The following SPPL2A variants were observed in gnomAD, a reference collection of about 807,000 sequenced individuals.
The protein encoded by SPPL2A is signal peptide peptidase-like 2A.
In SPPL2A, 51 loss-of-function variants were observed where a neutral mutation model predicts 63.8. That is an observed-to-expected ratio of 0.80 (90% CI 0.64 to 1.01). The LOEUF is 1.01. SPPL2A is among the 50% of genes least tolerant of loss of function. SPPL2A has a pLI of 0.00. For synonymous variants in SPPL2A, 188 were observed against 205.8 expected, an observed-to-expected ratio of 0.91 and a Z score of 0.74; for missense variants, 553 against 622.7, an observed-to-expected ratio of 0.89 and a Z score of 1.19.
chr15:50,710,670 C>A (rs1023016250), intron 14 of SPPL2A, among the ~76,000 whole-genome samples: 3 of 152,150 alleles, frequency 2.0e-5, no homozygotes, highest in Non-Finnish European at 4.4e-5. Context: ...AACCAATCTC[C>A]AGAAATAGTC....
At chr15:50,723,772 G>A (rs1019002342) in intron 12 of SPPL2A, among the ~76,000 whole-genome samples, 5 of 152,182 alleles carry the variant, frequency 3.3e-5, no homozygotes, top group Non-Finnish European at 7.3e-5. Flanking sequence ...CGCCAAGCTC[G>A]GCTCATGCTT....
intron 1 of SPPL2A, among the ~76,000 whole-genome samples, chr15:50,759,636 G>A (rs1234103741): frequency 1.3e-5 from 2 of 152,064 alleles, no homozygotes; most frequent in South Asian, 2.1e-4. Context: ...CCAGCTACTC[G>A]GGAGGCTGAG....
intron 10 of SPPL2A, among the ~76,000 whole-genome samples, chr15:50,730,362 C>G (rs1001354504): frequency 6.6e-6 from 1 of 152,106 alleles, no homozygotes; most frequent in African/African-American, 2.4e-5. Flanking sequence ...GTATGTGGCC[C>G]TGAGTCTAGT....
At position 50,751,030 on chromosome 15, in the gene SPPL2A, T is replaced by C. The variant is rs182171074; in HGVS notation, c.67-1284A>G. 3.2e-4 allele frequency among the ~76,000 whole-genome samples: 48 copies of C among 152,346 alleles called. 1 individual carries two copies. The East Asian group carries it at 8.3e-3, about 26-fold the overall frequency. The stretch of plus-strand genomic sequence containing the variant: ...ATAGAAATGTTCTAATCCCATGCTC[T>C]GTTACCTAAAATGTCCCTTGAACAT... On this transcript the variant is annotated intron_variant, in intron 1 of 14. Coordinates refer to ENST00000261854, the MANE Select transcript of SPPL2A (RefSeq NM_032802.4).
rs35069823 is a variant in SPPL2A at position 50,729,109 on chromosome 15, C to T, written c.1089+1856G>A. On this transcript the variant is annotated intron_variant, in intron 10 of 14. Coordinates refer to ENST00000261854, the MANE Select transcript of SPPL2A (RefSeq NM_032802.4). ...GATTACAGGCGTGAGCCACCGCACCCGGCCTCTTAATTATTGTATTTTTAG... is the reference window on the plus strand; with the variant it reads ...GATTACAGGCGTGAGCCACCGCACCTGGCCTCTTAATTATTGTATTTTTAG... 7.2e-3 allele frequency among the ~76,000 whole-genome samples: 1,093 copies of T among 150,768 alleles called. 10 individuals carry two copies. The highest frequency in any genetic ancestry group is 0.011 in the Non-Finnish European group (744 of 67,714).
intron 3 of SPPL2A, among the ~76,000 whole-genome samples, chr15:50,748,476 T>G (rs1364312701): frequency 2.0e-5 from 3 of 151,940 alleles, no homozygotes; most frequent in Admixed American, 2.0e-4. Flanking sequence ...ATATATTTGT[T>G]CCTAACAAAG....
At chr15:50,731,402 C>T (rs576279823) in intron 9 of SPPL2A, among the ~76,000 whole-genome samples, 7 of 150,746 alleles carry the variant, frequency 4.6e-5, no homozygotes, top group South Asian at 4.2e-4. Flanking sequence ...AAAAATTAGC[C>T]GGGCATGGTG....
intron 13 of SPPL2A, among the ~76,000 whole-genome samples, chr15:50,721,457 G>A (rs1307873432): frequency 2.0e-5 from 3 of 150,272 alleles, no homozygotes; most frequent in African/African-American, 7.3e-5. Flanking sequence ...TTGAGACAGG[G>A]ACTCAATCTT....
intron 1 of SPPL2A, among the ~76,000 whole-genome samples, chr15:50,758,401 A>C (rs545244372): frequency 6.6e-6 from 1 of 150,512 alleles, no homozygotes; most frequent in Non-Finnish European, 1.5e-5. Context: ...GGCGTGATCT[A>C]GGCTCACTGC....
Position 50,708,116 on chromosome 15 carries a change from G to A in SPPL2A, c.1489-242C>T, listed in dbSNP as rs117010361. 2.0e-3 allele frequency among the ~76,000 whole-genome samples: 299 copies of A among 152,232 alleles called. 1 individual carries two copies. The highest frequency in any genetic ancestry group is 3.5e-3 in the Non-Finnish European group (235 of 68,022). On this transcript the variant is annotated intron_variant, in intron 14 of 14. Coordinates refer to ENST00000261854, the MANE Select transcript of SPPL2A (RefSeq NM_032802.4). ...CCAATTTGTGTTCTCTGGATCTTCCGTTATCTCCATTTCCCAATATGAATA... is the reference window on the plus strand; with the variant it reads ...CCAATTTGTGTTCTCTGGATCTTCCATTATCTCCATTTCCCAATATGAATA...
rs1196710672 is a variant in SPPL2A at position 50,703,356 on chromosome 15, A to ATATATATTTTTTTTTTT, written c.*4443_*4444insAAAAAAAAAAATATATA. On this transcript the variant is annotated 3_prime_UTR_variant, in exon 15 of 15. Coordinates refer to ENST00000261854, the MANE Select transcript of SPPL2A (RefSeq NM_032802.4). Reference sequence around the variant, plus strand: ...TATATATATATATATACATATATATATTTTTTTTTTTTTTTTTTTTTTTTG... The same window carrying ATATATATTTTTTTTTTT: ...TATATATATATATATACATATATATATATATATTTTTTTTTTTTTTTTTTTTTTTTTTTTTTTTTTTG... 2 of 62,040 alleles carry ATATATATTTTTTTTTTT rather than the reference A, an allele frequency of 3.2e-5. No homozygotes were observed. Among genetic ancestry groups the ATATATATTTTTTTTTTT allele is most frequent in the African/African-American group, 1.4e-4 (2 of 14,238 alleles). The allele number at this position is 62,040 out of a possible 1,614,324, so 3.8% of individuals were successfully genotyped here.
chr15:50,749,536 T>C (rs2062889346), intron 2 of SPPL2A, 100 bp downstream of exon 2: 2 of 767,848 alleles, frequency 2.6e-6, no homozygotes, highest in Non-Finnish European at 4.6e-6. Flanking sequence ...TCCGCCCGCC[T>C]TGGCCTCCCA....
intron 1 of SPPL2A, chr15:50,764,603 A>T (rs2063041527): frequency 6.6e-6 from 1 of 152,234 alleles, no homozygotes; most frequent in Admixed American, 6.5e-5. Flanking sequence ...TGTAATAAAT[A>T]ACATGCGTAA....
Position 50,704,684 on chromosome 15 carries a change from CT to C in SPPL2A, c.*3115del, listed in dbSNP as rs1208793728. 6.6e-6 allele frequency: 1 copy of C among 152,084 alleles called. No individual in the cohort carries two copies. Among genetic ancestry groups the C allele is most frequent in the Non-Finnish European group, 1.5e-5 (1 of 68,016 alleles). 9.4% of individuals were successfully genotyped at this position (152,084 alleles called of 1,614,324 possible). On this transcript the variant is annotated 3_prime_UTR_variant, in exon 15 of 15. Coordinates refer to ENST00000261854, the MANE Select transcript of SPPL2A (RefSeq NM_032802.4). ...GCAGCTTTTTAAGTGAAATTTTAATCTTATCTATCTTTTGTTCATTTTGAGT... is the reference window on the plus strand; with the variant it reads ...GCAGCTTTTTAAGTGAAATTTTAATCTATCTATCTTTTGTTCATTTTGAGT...
intron 5 of SPPL2A, among the ~76,000 whole-genome samples, chr15:50,741,884 T>C (rs1341512633): frequency 6.6e-6 from 1 of 151,946 alleles, no homozygotes; most frequent in Non-Finnish European, 1.5e-5. Flanking sequence ...CAGAATCGCT[T>C]GAACCTGGGA....
chr15:50,759,461 AG>A, intron 1 of SPPL2A, among the ~76,000 whole-genome samples: 1 of 152,208 alleles, frequency 6.6e-6, no homozygotes, highest in East Asian at 1.9e-4. Context: ...TAAGAAAAAA[AG>A]GCCAGGCGCA....
Position 50,748,623 on chromosome 15 carries a change from A to G in SPPL2A, c.360+65T>C, listed in dbSNP as rs559186710. The G allele has an allele frequency of 8.1e-6, 9 of 1,112,384 alleles. No individual in the cohort carries two copies. In the African/African-American group the frequency reaches 1.3e-4, roughly 16 times the overall value. 68.9% of individuals were successfully genotyped at this position (1,112,384 alleles called of 1,614,324 possible). On this transcript the variant is annotated intron_variant, in intron 3 of 14. Transcript: ENST00000261854. ...CTCTAAACCACACACAAAGACGTTAATTCCATTTTTGTGAAATTTCACATC... is the reference window on the plus strand; with the variant it reads ...CTCTAAACCACACACAAAGACGTTAGTTCCATTTTTGTGAAATTTCACATC...
chr15:50,736,912 T>TG (rs1453826699), intron 6 of SPPL2A, among the ~76,000 whole-genome samples, 172 bp from the exon 7 acceptor site: 1 of 151,952 alleles, frequency 6.6e-6, no homozygotes, highest in Non-Finnish European at 1.5e-5. Flanking sequence ...GTGAGGTTTT[T>TG]TGTTTTTTTT....
At chr15:50,723,819 T>C (rs753595156) in intron 12 of SPPL2A, among the ~76,000 whole-genome samples, 5 of 152,220 alleles carry the variant, frequency 3.3e-5, no homozygotes, top group Non-Finnish European at 7.3e-5. Context: ...AAACAACTCA[T>C]TTAATATCTA....
Sources: allele counts gnomAD v4.1 joint callset (sites outside exome capture counted in the v4.1 genomes callset), GRCh38; gene constraint gnomAD v4.1.1; transcripts MANE v1.5; gene names NCBI Gene and HGNC (gene_info 2026-07-23, HGNC 2026-07-21).